The following CEP85L variants were observed in gnomAD, a reference collection of about 807,000 sequenced individuals.
The protein encoded by CEP85L is centrosomal protein 85L.
CEP85L carries 60 observed loss-of-function variants against 100.3 expected under a neutral mutation model. The ratio of observed to expected loss-of-function variants is 0.60; its 90% CI spans 0.49 to 0.74. The LOEUF is 0.74. CEP85L is among the 30% of genes least tolerant of loss of function. The pLI, the probability that CEP85L is intolerant of heterozygous loss-of-function variation, is 0.00. For synonymous variants in CEP85L, 319 were observed against 322.7 expected (o/e 0.99, Z 0.12); for missense variants, 973 against 936.2 (o/e 1.04, Z -0.51).
At chr6:118,575,785 G>A (rs1447665099) in intron 2 of CEP85L, among the ~76,000 whole-genome samples, 2 of 152,200 alleles carry the variant, frequency 1.3e-5, no homozygotes, top group South Asian at 2.1e-4. Flanking sequence ...TAAGCAAGTA[G>A]TGGATAGTTG....
intron 7 of CEP85L, among the ~76,000 whole-genome samples, chr6:118,483,028 C>T (rs1773903429): frequency 6.6e-6 from 1 of 152,094 alleles, no homozygotes. Context: ...TATGTGGATG[C>T]AGAAGTACAC....
intron 3 of CEP85L, among the ~76,000 whole-genome samples, chr6:118,528,645 G>A (rs947385857): frequency 1.3e-5 from 2 of 152,026 alleles, no homozygotes; most frequent in African/African-American, 2.4e-5. Flanking sequence ...CCTACCAAAC[G>A]CTGTAGGTTG....
At chr6:118,516,112 T>G (rs1776260931) in intron 4 of CEP85L, among the ~76,000 whole-genome samples, 2 of 152,232 alleles carry the variant, frequency 1.3e-5, no homozygotes, top group Non-Finnish European at 1.5e-5. Context: ...TAGTATTCCA[T>G]GGTGTATATG....
intron 3 of CEP85L, among the ~76,000 whole-genome samples, chr6:118,558,626 T>TACACACACACACACACACACACACACAC (rs371775061): frequency 3.6e-5 from 4 of 111,666 alleles, no homozygotes; most frequent in South Asian, 7.6e-4. Context: ...CACGTGCACA[T>TACACACACACACACACACACACACACAC]ACACACACAC....
chr6:118,507,611 C>T (rs1775733292), intron 5 of CEP85L, among the ~76,000 whole-genome samples: 1 of 152,198 alleles, frequency 6.6e-6, no homozygotes, highest in African/African-American at 2.4e-5. Context: ...ATATCTACCA[C>T]TACCTTTCTC....
At chr6:118,617,141 G>T (rs1773111627) in intron 2 of CEP85L, among the ~76,000 whole-genome samples, 1 of 152,076 alleles carries the variant, frequency 6.6e-6, no homozygotes, top group Non-Finnish European at 1.5e-5. Context: ...GTCGAGTAGG[G>T]GCTTGGAAAG....
Position 118,566,301 on chromosome 6 carries a change from C to T in CEP85L, c.248G>A (p.Ser83Asn), listed in dbSNP as rs751002966. 1 of 1,612,144 alleles carries T rather than the reference C, an allele frequency of 6.2e-7. No homozygotes were observed. Among genetic ancestry groups the T allele is most frequent in the East Asian group, 2.2e-5 (1 of 44,838 alleles). ...ACTAGGCTTAAAAGATAATGTGCCA[C>T]TTGAAGTTGAATGATCTGGAAAGAA... Reference protein sequence around the residue: ...SDSVEDHSTSSGTLSFKPSQS... With the variant: ...SDSVEDHSTSNGTLSFKPSQS... The change falls in exon 3 of 13, where the codon AGT (serine) becomes AAT (asparagine). Residue 83 changes from serine to asparagine, a missense_variant. Around this residue, in one of 3 missense-constraint regions of CEP85L, gnomAD observed 890 missense variants for 844.5 expected, o/e 1.05. Transcript: ENST00000368491.
chr6:118,475,349 T>TC (rs1409452151), intron 10 of CEP85L, among the ~76,000 whole-genome samples: 2,400 of 61,964 alleles, frequency 0.039, 190 homozygotes, highest in African/African-American at 0.073. Flanking sequence ...TAGGTGACAT[T>TC]TTTTTTTTTT....
chr6:118,698,135 G>A (rs529970252), intron 1 of CEP85L, among the ~76,000 whole-genome samples: 2 of 152,150 alleles, frequency 1.3e-5, no homozygotes, highest in East Asian at 1.9e-4. Context: ...GAGCTGAAGG[G>A]CACACAAAAT....
At chr6:118,586,886 G>C (rs1274432569) in intron 2 of CEP85L, among the ~76,000 whole-genome samples, 3 of 152,180 alleles carry the variant, frequency 2.0e-5, no homozygotes, top group Non-Finnish European at 2.9e-5. Flanking sequence ...AGCACCCTCA[G>C]GGTGGAATGT....
At chr6:118,666,143 CT>C (rs1183103911) in intron 1 of CEP85L, among the ~76,000 whole-genome samples, 2 of 152,210 alleles carry the variant, frequency 1.3e-5, no homozygotes, top group Non-Finnish European at 2.9e-5. Flanking sequence ...CTTTGCTGGA[CT>C]TCTCTCTTTC....
chr6:118,579,733 T>A (rs1466297836), intron 2 of CEP85L, among the ~76,000 whole-genome samples: 1 of 152,230 alleles, frequency 6.6e-6, no homozygotes, highest in East Asian at 1.9e-4. Context: ...TATTAAGAAA[T>A]TATTTTAGGC....
intron 1 of CEP85L, among the ~76,000 whole-genome samples, chr6:118,646,340 C>T (rs1026778919): frequency 1.2e-5 from 1 of 80,134 alleles, no homozygotes; most frequent in Non-Finnish European, 2.5e-5. Flanking sequence ...ATATGAAAAT[C>T]CTGATAGTAA....
At chr6:118,622,173 C>T (rs1313135207) in intron 2 of CEP85L, among the ~76,000 whole-genome samples, 2 of 152,190 alleles carry the variant, frequency 1.3e-5, no homozygotes, top group African/African-American at 4.8e-5. Context: ...GTATCAGAGA[C>T]TATCAAAATA....
At chr6:118,562,576 TC>T (rs1210416727) in intron 3 of CEP85L, among the ~76,000 whole-genome samples, 5 of 152,066 alleles carry the variant, frequency 3.3e-5, no homozygotes, top group Non-Finnish European at 7.4e-5. Flanking sequence ...CCCAGGCTGG[TC>T]CCAAACTCCT....
chr6:118,656,757 A>G (rs917657593), upstream of CEP85L: 2 of 152,246 alleles, frequency 1.3e-5, no homozygotes, highest in Non-Finnish European at 2.9e-5. Context: ...AATTTTCTTT[A>G]TGCTAGAAAC....
At chr6:118,616,916 G>T (rs1384196860) in intron 2 of CEP85L, among the ~76,000 whole-genome samples, 2 of 150,930 alleles carry the variant, frequency 1.3e-5, no homozygotes, top group Non-Finnish European at 2.9e-5. Flanking sequence ...CTGCACTCCA[G>T]CCTGGGCAAG....
intron 2 of CEP85L, among the ~76,000 whole-genome samples, chr6:118,610,799 G>A (rs1772555410): frequency 6.6e-6 from 1 of 152,054 alleles, no homozygotes; most frequent in African/African-American, 2.4e-5. Flanking sequence ...GGGGGAGGGA[G>A]GGCACAAAAC....
intron 10 of CEP85L, among the ~76,000 whole-genome samples, chr6:118,472,604 T>C (rs940321714): frequency 3.9e-5 from 6 of 152,310 alleles, no homozygotes; most frequent in African/African-American, 1.4e-4. Context: ...ATAAATACTT[T>C]TTGCAGAGCA....
Sources: gnomAD v4.1 joint callset for allele counts (sites outside exome capture counted in the v4.1 genomes callset) on GRCh38, gnomAD v4.1.1 for gene constraint, gnomAD v4.1.1 regional missense constraint, MANE v1.5 for transcripts, NCBI Gene and HGNC (gene_info 2026-07-23, HGNC 2026-07-21) for gene names.